TANC2: variants seen among roughly 807,000 people sequenced by gnomAD.
TANC2 encodes protein TANC2.
TANC2 carries 26 observed loss-of-function variants against 210.5 expected under a neutral mutation model. The ratio of observed to expected loss-of-function variants is 0.12; its 90% CI spans 0.09 to 0.17. TANC2 has a LOEUF of 0.17. Among genes scored for constraint, TANC2 ranks in the 10% least tolerant of loss-of-function variants. The probability of loss-of-function intolerance (pLI) is 1.00; values close to 1 mark genes in which losing one functional copy is unlikely to be tolerated. For missense variants in TANC2, 2,129 were observed against 2,608.9 expected, an observed-to-expected ratio of 0.82 and a Z score of 4.01; for synonymous variants, 931 against 967.1, an observed-to-expected ratio of 0.96 and a Z score of 0.69.
At chr17:63,130,687 TAA>T (rs2038887259) in intron 4 of TANC2, among the ~76,000 whole-genome samples, 1 of 152,192 alleles carries the variant, frequency 6.6e-6, no homozygotes, top group Admixed American at 6.5e-5. Flanking sequence ...GTCTGTATAA[TAA>T]AGAGTTTTAT....
At chr17:63,268,314 T>G (rs1392189684) in intron 9 of TANC2, among the ~76,000 whole-genome samples, 1 of 152,168 alleles carries the variant, frequency 6.6e-6, no homozygotes, top group Non-Finnish European at 1.5e-5. Flanking sequence ...TCCAAAACTT[T>G]CTGAGTGCCA....
At chr17:63,149,821 T>TC (rs2039586911) in intron 4 of TANC2, 1 of 152,152 alleles carries the variant, frequency 6.6e-6, no homozygotes, top group South Asian at 2.1e-4. Flanking sequence ...AGGTGAGAGT[T>TC]CTGCTATTCC....
At chr17:63,041,938 G>T (rs1017931268) in intron 2 of TANC2, among the ~76,000 whole-genome samples, 8 of 152,144 alleles carry the variant, frequency 5.3e-5, no homozygotes, top group South Asian at 2.1e-4. Context: ...TTATTGACAC[G>T]CAAACAGCAG....
chr17:63,370,574 C>G (rs2047238810), intron 14 of TANC2, among the ~76,000 whole-genome samples: 1 of 152,168 alleles, frequency 6.6e-6, no homozygotes, highest in African/African-American at 2.4e-5. Flanking sequence ...TAAGGTAATG[C>G]TAACTACTGA....
intron 2 of TANC2, among the ~76,000 whole-genome samples, chr17:63,032,482 C>A (rs1182771813): frequency 6.6e-6 from 1 of 151,980 alleles, no homozygotes; most frequent in African/African-American, 2.4e-5. Flanking sequence ...AAATGACATG[C>A]CATCTGTAGG....
intron 2 of TANC2, among the ~76,000 whole-genome samples, chr17:63,063,729 T>C (rs113174995): frequency 6.6e-6 from 1 of 151,954 alleles, no homozygotes; most frequent in Non-Finnish European, 1.5e-5. Flanking sequence ...TATCACACTT[T>C]GTTACCCAGT....
chr17:63,026,408 G>A (rs1161966884), intron 2 of TANC2, among the ~76,000 whole-genome samples: 1 of 152,108 alleles, frequency 6.6e-6, no homozygotes, highest in African/African-American at 2.4e-5. Flanking sequence ...GTATAGAATA[G>A]ACTGCAGTGA....
intron 6 of TANC2, among the ~76,000 whole-genome samples, chr17:63,198,877 A>G (rs1264932480): frequency 1.3e-5 from 2 of 152,214 alleles, no homozygotes; most frequent in Non-Finnish European, 2.9e-5. Context: ...CTGGAGAGAT[A>G]ACATATAGTA....
intron 1 of TANC2, among the ~76,000 whole-genome samples, chr17:62,974,936 C>G (rs1472296302): frequency 6.6e-6 from 1 of 152,132 alleles, no homozygotes; most frequent in Admixed American, 6.5e-5. Context: ...ATCTTTGGAC[C>G]AGGTAGCCAT....
intron 3 of TANC2, among the ~76,000 whole-genome samples, chr17:63,081,175 T>A (rs549883790): frequency 2.0e-5 from 3 of 152,352 alleles, no homozygotes; most frequent in South Asian, 4.1e-4. Context: ...GTAGATTTTT[T>A]AAATTAAAAC....
chr17:63,294,908 G>A (rs972033619), intron 9 of TANC2, among the ~76,000 whole-genome samples: 3 of 152,118 alleles, frequency 2.0e-5, no homozygotes, highest in South Asian at 4.1e-4. Flanking sequence ...CTATAGTTGG[G>A]ATGATAACTT....
intron 8 of TANC2, among the ~76,000 whole-genome samples, chr17:63,259,072 C>G (rs1006044549): frequency 5.3e-5 from 8 of 152,162 alleles, no homozygotes; most frequent in African/African-American, 1.9e-4. Flanking sequence ...TCCTTCCTTT[C>G]AAGGTAGCAG....
intron 2 of TANC2, among the ~76,000 whole-genome samples, chr17:63,045,597 G>A (rs954688789): frequency 6.6e-6 from 1 of 151,886 alleles, no homozygotes; most frequent in African/African-American, 2.4e-5. Context: ...TTTGGTAAGG[G>A]GATTATGGTA....
intron 19 of TANC2, among the ~76,000 whole-genome samples, chr17:63,403,242 G>C (rs564257706): frequency 3.9e-5 from 6 of 152,058 alleles, no homozygotes; most frequent in Admixed American, 3.9e-4. Context: ...TTTTCTCTAG[G>C]ATGCTGTAAC....
intron 9 of TANC2, among the ~76,000 whole-genome samples, chr17:63,311,336 A>G (rs1042001931): frequency 6.6e-6 from 1 of 152,206 alleles, no homozygotes; most frequent in Non-Finnish European, 1.5e-5. Flanking sequence ...ATGTAGAGAG[A>G]TGTTCACATT....
chr17:63,293,567 T>C (rs1356266093), intron 9 of TANC2, among the ~76,000 whole-genome samples: 1 of 152,182 alleles, frequency 6.6e-6, no homozygotes, highest in African/African-American at 2.4e-5. Flanking sequence ...TTTCCATGAA[T>C]AAATATGCAT....
chr17:63,159,446 A>T (rs2039949458), intron 5 of TANC2, among the ~76,000 whole-genome samples: 1 of 152,192 alleles, frequency 6.6e-6, no homozygotes, highest in South Asian at 2.1e-4. Context: ...AATATACATA[A>T]TCCATGACCC....
At chr17:63,123,483 C>T (rs1035315009) in intron 4 of TANC2, among the ~76,000 whole-genome samples, 8 of 150,242 alleles carry the variant, frequency 5.3e-5, no homozygotes, top group African/African-American at 1.2e-4. Flanking sequence ...TGCTTGAACC[C>T]GGGAGGCGGA....
chr17:63,325,072 C>T (rs924177256), intron 11 of TANC2, among the ~76,000 whole-genome samples: 1 of 69,860 alleles, frequency 1.4e-5, no homozygotes, highest in Non-Finnish European at 2.7e-5. Flanking sequence ...GGGTGGGGGG[C>T]GGGGGGCGGG....
Sources: gnomAD v4.1 joint callset for allele counts (sites outside exome capture counted in the v4.1 genomes callset) on GRCh38, gnomAD v4.1.1 for gene constraint, MANE v1.5 for transcripts, NCBI Gene and HGNC (gene_info 2026-07-23, HGNC 2026-07-21) for gene names.